The following CHST15 variants were observed in gnomAD, a reference collection of about 807,000 sequenced individuals.
The protein encoded by CHST15 is carbohydrate sulfotransferase 15.
CHST15 carries 30 observed loss-of-function variants against 53.6 expected under a neutral mutation model. The observed-to-expected ratio is 0.56, with a 90% CI of 0.42 to 0.76. The LOEUF (loss-of-function observed/expected upper bound fraction) is 0.76. CHST15 is among the 30% of genes least tolerant of loss of function. The probability of loss-of-function intolerance (pLI) is 0.00; values close to 1 mark genes in which losing one functional copy is unlikely to be tolerated. For missense variants in CHST15, 627 were observed against 740.5 expected (o/e 0.85, Z 1.78); for synonymous variants, 296 against 289.8 (o/e 1.02, Z -0.22).
chr10:124,016,166 G>C (rs1487809744), intron 6 of CHST15, among the ~76,000 whole-genome samples: 1 of 152,144 alleles, frequency 6.6e-6, no homozygotes, highest in African/African-American at 2.4e-5. Flanking sequence ...GTGTGCTGCG[G>C]AACAGTGGCG....
intron 1 of CHST15, among the ~76,000 whole-genome samples, chr10:124,048,255 T>C (rs1948070672): frequency 6.6e-6 from 1 of 152,250 alleles, no homozygotes; most frequent in Non-Finnish European, 1.5e-5. Context: ...TCAGGGCCTT[T>C]GATATGCTAA....
rs539776288 is a variant in CHST15, at chr10:124,065,080, C to T, written c.-512-18356G>A. Among the ~76,000 whole-genome samples the T allele has an allele frequency of 1.6e-4, 24 of 152,216 alleles. No individual in the cohort carries two copies. The East Asian group carries it at 4.3e-3, about 27-fold the overall frequency. ...CAGAATGCCCAATACATGTTGGGGG[C>T]GGGGGTTAAATTTAAAATTTGGGCT... On this transcript the variant is annotated intron_variant, in intron 1 of 7. Transcript: ENST00000435907.
chr10:124,012,532 T>C (rs752137020), intron 6 of CHST15, 52 bp from the exon 7 acceptor site: 33 of 1,561,362 alleles, frequency 2.1e-5, no homozygotes, highest in Non-Finnish European at 2.7e-5. Flanking sequence ...CCCAACACCA[T>C]AGGGCACTTT....
intron 1 of CHST15, among the ~76,000 whole-genome samples, chr10:124,058,146 T>C (rs1279416318): frequency 6.6e-6 from 1 of 151,850 alleles, no homozygotes; most frequent in African/African-American, 2.4e-5. Flanking sequence ...GTATATCTAC[T>C]GACTCCGGTT....
intron 7 of CHST15, 27 bp from the exon 8 acceptor site, chr10:124,010,366 A>G: frequency 6.5e-7 from 1 of 1,535,254 alleles, no homozygotes; most frequent in African/African-American, 1.4e-5. Flanking sequence ...CGAGTCCCGT[A>G]AGGCAGGAGG....
rs372099228 is a variant in CHST15, at chr10:124,012,494, A to G, written c.1348-14T>C. On this transcript the variant is annotated splice_polypyrimidine_tract_variant and intron_variant, in intron 6 of 7. Coordinates refer to ENST00000435907, the MANE Select transcript of CHST15 (RefSeq NM_001270764.2). ...CTGGAGCCTCACCTAGGACCACAGA[A>G]GAAGGGCATTATTTCAGGAGCAGTT... 1.5e-4 allele frequency: 234 copies of G among 1,604,428 alleles called. No homozygotes were observed. The highest frequency in any genetic ancestry group is 2.7e-4 in the Admixed American group (16 of 59,290).
At chr10:124,021,981 C>T (rs891395489) in intron 5 of CHST15, among the ~76,000 whole-genome samples, 1 of 152,182 alleles carries the variant, frequency 6.6e-6, no homozygotes, top group African/African-American at 2.4e-5. Context: ...CCCACATATG[C>T]ACAGGAATAC....
At position 124,010,078 on chromosome 10, in the gene CHST15, G is replaced by A. The variant is rs1037705645; in HGVS notation, c.*71C>T. ...CATACCATGAGTGAAACAGTTCCCC[G>A]CAAAGAGATTTGTAAAATCCTGATG... On this transcript the variant is annotated 3_prime_UTR_variant, in exon 8 of 8. Coordinates refer to ENST00000435907, the MANE Select transcript of CHST15 (RefSeq NM_001270764.2). The A allele has an allele frequency of 5.6e-6, 9 of 1,608,794 alleles. No individual in the cohort carries two copies. The highest frequency in any genetic ancestry group is 4.0e-5 in the African/African-American group (3 of 74,816).
chr10:124,007,919 C>A lies in CHST15; in HGVS notation c.*2230G>T, dbSNP rs771330739. On this transcript the variant is annotated 3_prime_UTR_variant, in exon 8 of 8. Transcript: ENST00000435907. ...TCGAGAACCACCGCCCAGAACGGAA[C>A]CTATTCTGTCAGCAAGAGCCGGGCC... 1.7e-5 allele frequency: 21 copies of A among 1,232,012 alleles called. No individual in the cohort carries two copies. Among genetic ancestry groups the A allele is most frequent in the Non-Finnish European group, 2.1e-5 (21 of 987,956 alleles). 76.3% of individuals were successfully genotyped at this position (1,232,012 alleles called of 1,614,324 possible).
intron 1 of CHST15, among the ~76,000 whole-genome samples, chr10:124,077,359 T>C (rs1949108878): frequency 6.6e-6 from 1 of 152,214 alleles, no homozygotes; most frequent in African/African-American, 2.4e-5. Flanking sequence ...TCTTCTCTAA[T>C]GCAGCTCTGC....
At position 124,024,893 on chromosome 10, in the gene CHST15, G is replaced by A. The variant is rs138755577; in HGVS notation, c.1191-3481C>T. On this transcript the variant is annotated intron_variant, in intron 5 of 7. Coordinates refer to ENST00000435907, the MANE Select transcript of CHST15 (RefSeq NM_001270764.2). This position sits in a 1 kb window ranked among gnomAD's most constrained non-coding sequence, Gnocchi z 4.0. ...AATATGGCTCAGCCCAAGAAACTAC[G>A]TCAATGAAAAGTAACAGATGCTTCT... 8.7e-4 allele frequency among the ~76,000 whole-genome samples: 133 copies of A among 152,256 alleles called. No individual in the cohort carries two copies. The highest frequency in any genetic ancestry group is 1.1e-3 in the Non-Finnish European group (75 of 68,018).
chr10:124,056,953 G>A (rs946189779), intron 1 of CHST15, among the ~76,000 whole-genome samples: 5 of 150,368 alleles, frequency 3.3e-5, no homozygotes, highest in Admixed American at 2.0e-4. Flanking sequence ...GCCCAGGCCT[G>A]TACGACCGGA....
chr10:124,027,150 C>T (rs1342163557), intron 5 of CHST15, among the ~76,000 whole-genome samples: 3 of 152,214 alleles, frequency 2.0e-5, no homozygotes, highest in East Asian at 1.9e-4. Context: ...GCCTTCTGTG[C>T]TGCGGTTATT....
chr10:124,010,043 T>C lies in CHST15; in HGVS notation c.*106A>G. The C allele has an allele frequency of 6.3e-7, 1 of 1,589,710 alleles. No homozygotes were observed. The highest frequency in any genetic ancestry group is 1.7e-5 in the Admixed American group (1 of 58,018). On this transcript the variant is annotated 3_prime_UTR_variant, in exon 8 of 8. Transcript: ENST00000435907. ...ATGTGTGCCTAGAGTGGCAGAGTCC[T>C]GGGGTTTTCCATACCATGAGTGAAA...
At chr10:124,014,285 C>T (rs113695505) in intron 6 of CHST15, among the ~76,000 whole-genome samples, 19 of 152,356 alleles carry the variant, frequency 1.2e-4, no homozygotes, top group African/African-American at 4.1e-4. Flanking sequence ...TCGGGTGCAA[C>T]TGCTGAATAC....
In CHST15 at chr10:124,012,478, C is replaced by A; in HGVS notation, c.1350G>T (p.Val450=). The change falls in exon 7 of 8, where the codon GTG becomes GTT. Residue 450 remains valine, a splice_region_variant and synonymous_variant. Transcript: ENST00000435907. ...CAGCATAGAGCCCAACCTGGAGCCT[C>A]ACCTAGGACCACAGAAGAAGGGCAT... ...YNNTLNNAMP[V]RLQVGLYAVY... is the part of the protein sequence containing the mutation. 1 of 1,609,780 alleles carries A rather than the reference C, an allele frequency of 6.2e-7. No homozygotes were observed. The highest frequency in any genetic ancestry group is 8.5e-7 in the Non-Finnish European group (1 of 1,176,912).
In CHST15 at chr10:124,024,993, C is replaced by T. The variant is rs1160279528; in HGVS notation, c.1191-3581G>A. Among the ~76,000 whole-genome samples, 2 of 152,214 alleles carry T rather than the reference C, an allele frequency of 1.3e-5. No homozygotes were observed. The highest frequency in any genetic ancestry group is 6.5e-5 in the Admixed American group (1 of 15,282). ...TACCAAAGATGCCCACAGAACTACCCAAATTGTTTGGTGGAACTGGAATTC... is the reference window on the plus strand; with the variant it reads ...TACCAAAGATGCCCACAGAACTACCTAAATTGTTTGGTGGAACTGGAATTC... On this transcript the variant is annotated intron_variant, in intron 5 of 7. Coordinates refer to ENST00000435907, the MANE Select transcript of CHST15 (RefSeq NM_001270764.2). This position sits in a 1 kb window ranked among gnomAD's most constrained non-coding sequence, Gnocchi z 4.0.
intron 1 of CHST15, among the ~76,000 whole-genome samples, chr10:124,068,734 T>G (rs906662905): frequency 2.2e-4 from 34 of 152,206 alleles, no homozygotes; most frequent in African/African-American, 8.0e-4. Flanking sequence ...AAATTCTGCT[T>G]TCATCACCTG....
At chr10:124,066,699 T>C (rs60325891) in intron 1 of CHST15, among the ~76,000 whole-genome samples, 6,568 of 152,232 alleles carry the variant, frequency 0.043, 455 homozygotes, top group African/African-American at 0.15. Flanking sequence ...AGCGTTCACC[T>C]TACAATTTAA....
Sources: allele counts gnomAD v4.1 joint callset (sites outside exome capture counted in the v4.1 genomes callset), GRCh38; gene constraint gnomAD v4.1.1; non-coding constraint Gnocchi (gnomAD v3.1); transcripts MANE v1.5; gene names NCBI Gene and HGNC (gene_info 2026-07-23, HGNC 2026-07-21).